The following RORB variants were observed in gnomAD, a reference collection of about 807,000 sequenced individuals.
RORB encodes RAR related orphan receptor B.
In RORB, 6 loss-of-function variants were observed where a neutral mutation model predicts 59.1. The ratio of observed to expected loss-of-function variants is 0.10; its 90% CI spans 0.06 to 0.20. The LOEUF is 0.20. Ranked by LOEUF, RORB falls within the 10% of genes least tolerant of loss-of-function variation. RORB has a pLI of 1.00. For missense variants in RORB, 320 were observed against 560.5 expected (o/e 0.57, Z 4.33); for synonymous variants, 215 against 204.5 (o/e 1.05, Z -0.44).
intron 4 of RORB, among the ~76,000 whole-genome samples, chr9:74,653,900 T>C (rs1454376177): frequency 6.6e-6 from 1 of 152,206 alleles, no homozygotes; most frequent in African/African-American, 2.4e-5. Flanking sequence ...GCTATTTTAG[T>C]AACTGCAAGC....
At chr9:74,566,175 G>A (rs1822465342) in intron 1 of RORB, among the ~76,000 whole-genome samples, 1 of 151,970 alleles carries the variant, frequency 6.6e-6, no homozygotes, top group African/African-American at 2.4e-5. Context: ...TAAAATCCAA[G>A]ACCAGGGAAA....
At chr9:74,579,893 C>T (rs1050260965) in intron 1 of RORB, among the ~76,000 whole-genome samples, 4 of 152,038 alleles carry the variant, frequency 2.6e-5, no homozygotes, top group East Asian at 1.9e-4. Context: ...TCCACGGTTT[C>T]GCCTTCAGCA....
intron 1 of RORB, among the ~76,000 whole-genome samples, chr9:74,566,225 C>T (rs1822466175): frequency 6.6e-6 from 1 of 152,056 alleles, no homozygotes; most frequent in African/African-American, 2.4e-5. Context: ...TGCCTTTCAT[C>T]AAAAGCTTTT....
At position 74,652,304 on chromosome 9, in the gene RORB, C is replaced by T. The variant is rs137893916; in HGVS notation, c.638-8313C>T. On this transcript the variant is annotated intron_variant, in intron 4 of 9. Transcript: ENST00000376896. ...GTGCCTGTAGTCCCAGCTAGTTGCA[C>T]GACTGAGGAAGGAGAATCCCTTAAG... Among the ~76,000 whole-genome samples, 424 of 151,972 alleles carry T rather than the reference C, an allele frequency of 2.8e-3. 1 individual carries two copies. The highest frequency in any genetic ancestry group is 4.7e-3 in the Admixed American group (72 of 15,258).
chr9:74,504,238 T>C (rs1297370473), intron 1 of RORB, among the ~76,000 whole-genome samples: 1 of 152,054 alleles, frequency 6.6e-6, no homozygotes, highest in Non-Finnish European at 1.5e-5. Flanking sequence ...AATAAGCATT[T>C]AAAACATTAA....
At position 74,642,743 on chromosome 9, in the gene RORB, G is replaced by T; in HGVS notation, c.565G>T (p.Val189Leu). Residue 189 changes from valine (V) to leucine (L), a missense_variant, in exon 4 of 10, where the codon GTA becomes TTA. By Grantham distance (32) the Val-to-Leu change is conservative (BLOSUM62 1). Around this residue, in one of 4 missense-constraint regions of RORB, gnomAD observed 134 missense variants for 156.2 expected, o/e 0.86. Transcript: ENST00000376896. ...AGAACCTATCTATGACCTCACATCC[G>T]TACCCAACTTGTTTACCTATAGCTC... is the stretch of plus-strand genomic sequence containing the variant. Reference protein sequence around the residue: ...KQEPIYDLTSVPNLFTYSSFN... With the variant: ...KQEPIYDLTSLPNLFTYSSFN... 1 of 1,613,982 alleles carries T rather than the reference G, an allele frequency of 6.2e-7. No homozygotes were observed. The highest frequency in any genetic ancestry group is 8.5e-7 in the Non-Finnish European group (1 of 1,179,938).
At chr9:74,626,287 A>G (rs1348957745) in intron 1 of RORB, among the ~76,000 whole-genome samples, 1 of 152,204 alleles carries the variant, frequency 6.6e-6, no homozygotes, top group Non-Finnish European at 1.5e-5. Flanking sequence ...TTGTTCTAAT[A>G]TAAAGTAAAG....
At chr9:74,593,111 T>C (rs1425006390) in intron 1 of RORB, among the ~76,000 whole-genome samples, 1 of 152,158 alleles carries the variant, frequency 6.6e-6, no homozygotes, top group Non-Finnish European at 1.5e-5. Context: ...TTTTGCTTAA[T>C]TCAACTCAAC....
intron 1 of RORB, among the ~76,000 whole-genome samples, chr9:74,583,077 G>A (rs1470245982): frequency 6.6e-6 from 1 of 152,046 alleles, no homozygotes. Flanking sequence ...ACAAGTGGAA[G>A]GTTGGGGAAT....
chr9:74,659,732 G>C (rs1824149885), intron 4 of RORB, among the ~76,000 whole-genome samples: 1 of 151,814 alleles, frequency 6.6e-6, no homozygotes, highest in Non-Finnish European at 1.5e-5. Flanking sequence ...CCCACAGCAG[G>C]CTTTTTTTAA....
In RORB at chr9:74,690,250, A is replaced by T. The variant is rs1824718561; in HGVS notation, c.*4632A>T. 1 of 152,166 alleles carries T rather than the reference A, an allele frequency of 6.6e-6. No homozygotes were observed. Among genetic ancestry groups the T allele is most frequent in the Admixed American group, 6.5e-5 (1 of 15,272 alleles). The allele number at this position is 152,166 out of a possible 1,614,324, so 9.4% of individuals were successfully genotyped here. On this transcript the variant is annotated 3_prime_UTR_variant, in exon 10 of 10. Transcript: ENST00000376896. ...TGGGGGGTCTTTCAAAAAAAAGCTG[A>T]CACTCTATTCATTTTTGGGTCTCAG...
rs149100350 is a variant in RORB, at chr9:74,511,956, A to G, written c.7+13973A>G. Among the ~76,000 whole-genome samples the G allele has an allele frequency of 5.2e-3, 788 of 151,924 alleles. 4 individuals are homozygous for G. Among genetic ancestry groups the G allele is most frequent in the South Asian group, 0.017 (83 of 4,776 alleles). ...TGAGAATCGTATATTACAGTTCACA[A>G]TAGGTACTAGAAATGGCAATAATAA... On this transcript the variant is annotated intron_variant, in intron 1 of 9. Transcript: ENST00000376896.
At chr9:74,541,990 A>G (rs117588544) in intron 1 of RORB, among the ~76,000 whole-genome samples, 6,759 of 152,300 alleles carry the variant, frequency 0.044, 244 homozygotes, top group Admixed American at 0.1. Context: ...TATGTGGGCG[A>G]GAGGGAGCCC....
At chr9:74,661,579 A>AACTTAGG (rs1824182025) in intron 5 of RORB, among the ~76,000 whole-genome samples, 1 of 151,554 alleles carries the variant, frequency 6.6e-6, no homozygotes, top group African/African-American at 2.4e-5. Context: ...GATTCTACTG[A>AACTTAGG]ACTTAGGTGA....
intron 3 of RORB, among the ~76,000 whole-genome samples, chr9:74,640,585 A>G (rs1210934429): frequency 6.6e-6 from 1 of 152,118 alleles, no homozygotes; most frequent in Non-Finnish European, 1.5e-5. Context: ...ACCCAGCCCT[A>G]GAATGTAGGT....
chr9:74,649,489 A>T (rs540324809), intron 4 of RORB, among the ~76,000 whole-genome samples: 1 of 152,122 alleles, frequency 6.6e-6, no homozygotes, highest in Admixed American at 6.5e-5. Flanking sequence ...TATAGTATTA[A>T]CCAGTCTATG....
intron 1 of RORB, among the ~76,000 whole-genome samples, chr9:74,582,400 G>A (rs1431830811): frequency 1.3e-5 from 2 of 152,148 alleles, no homozygotes; most frequent in African/African-American, 4.8e-5. Context: ...TTAGAAAAAT[G>A]GCTCAGAGCC....
chr9:74,590,109 G>T (rs1822864766), intron 1 of RORB, among the ~76,000 whole-genome samples: 1 of 152,134 alleles, frequency 6.6e-6, no homozygotes, highest in South Asian at 2.1e-4. Flanking sequence ...TTAAAATCCT[G>T]CTGGGCACAT....
chr9:74,507,769 C>T (rs1825888709), intron 1 of RORB, among the ~76,000 whole-genome samples: 1 of 151,938 alleles, frequency 6.6e-6, no homozygotes, highest in South Asian at 2.1e-4. Flanking sequence ...AAAACATTTC[C>T]TGTTAACTTG....
Sources: allele counts gnomAD v4.1 joint callset (sites outside exome capture counted in the v4.1 genomes callset), GRCh38; gene constraint gnomAD v4.1.1; regional missense constraint gnomAD v4.1.1; transcripts MANE v1.5; gene names NCBI Gene and HGNC (gene_info 2026-07-23, HGNC 2026-07-21).